Variants in TGFA observed in about 807,000 individuals in gnomAD.
TGFA encodes transforming growth factor alpha, also known as protransforming growth factor alpha.
A neutral mutation model predicts 21.7 loss-of-function variants in TGFA; 12 were observed. That is an observed-to-expected ratio of 0.55 (90% confidence interval 0.35 to 0.90). TGFA has a LOEUF of 0.90. Ranked by LOEUF, TGFA falls within the 40% of genes least tolerant of loss-of-function variation. TGFA has a pLI of 0.01. For missense variants in TGFA, 178 were observed against 210.8 expected (o/e 0.84, Z 0.96); for synonymous variants, 79 against 88.1 (o/e 0.90, Z 0.58).
chr2:70,536,963 T>G (rs782175154), intron 1 of TGFA, among the ~76,000 whole-genome samples: 6 of 151,582 alleles, frequency 4.0e-5, no homozygotes, highest in Non-Finnish European at 8.8e-5. Flanking sequence ...GATACTGTGG[T>G]TTTTTGTTTT....
chr2:70,454,957 A>G (rs781990205), intron 4 of TGFA, among the ~76,000 whole-genome samples: 2 of 152,164 alleles, frequency 1.3e-5, no homozygotes, highest in Non-Finnish European at 2.9e-5. Flanking sequence ...ACACAGGACA[A>G]TGGAAGGATG....
chr2:70,504,459 T>TAC (rs1671847467), intron 2 of TGFA, among the ~76,000 whole-genome samples: 1 of 74,352 alleles, frequency 1.3e-5, no homozygotes, highest in Admixed American at 1.2e-4. Context: ...TATATATATA[T>TAC]ATATACACAC....
At chr2:70,547,499 T>A (rs1553506088) in intron 1 of TGFA, among the ~76,000 whole-genome samples, 2 of 148,318 alleles carry the variant, frequency 1.3e-5, no homozygotes, top group African/African-American at 5.0e-5. Context: ...GCCTAGATCG[T>A]GCCACTGCAC....
At chr2:70,490,410 T>A (rs1377957246) in intron 2 of TGFA, among the ~76,000 whole-genome samples, 4 of 152,220 alleles carry the variant, frequency 2.6e-5, no homozygotes, top group Non-Finnish European at 5.9e-5. Flanking sequence ...AATGGGAACA[T>A]TTTTGTGCTT....
chr2:70,471,109 A>G (rs1442987365), intron 2 of TGFA, among the ~76,000 whole-genome samples: 4 of 107,230 alleles, frequency 3.7e-5, no homozygotes, highest in Admixed American at 2.0e-4. Flanking sequence ...TCCTCCCCGC[A>G]CCCCCCCCAC....
At chr2:70,527,266 C>A (rs1672665349) in intron 1 of TGFA, among the ~76,000 whole-genome samples, 1 of 152,116 alleles carries the variant, frequency 6.6e-6, no homozygotes, top group Non-Finnish European at 1.5e-5. Context: ...TATTATACAG[C>A]AATGAAAATA....
chr2:70,456,665 G>T (rs531592938), intron 3 of TGFA, among the ~76,000 whole-genome samples, 177 bp from the exon 4 acceptor site: 1 of 152,348 alleles, frequency 6.6e-6, no homozygotes, highest in East Asian at 1.9e-4. Context: ...CCTGTCGCAG[G>T]CACCGCTGCT....
intron 2 of TGFA, among the ~76,000 whole-genome samples, chr2:70,480,683 A>G (rs1376256252): frequency 6.6e-6 from 1 of 152,120 alleles, no homozygotes; most frequent in Non-Finnish European, 1.5e-5. Flanking sequence ...AAATGAGTGC[A>G]TTCTCAGTTC....
chr2:70,493,858 C>G (rs556909377), intron 2 of TGFA, among the ~76,000 whole-genome samples: 1 of 152,132 alleles, frequency 6.6e-6, no homozygotes, highest in South Asian at 2.1e-4. Context: ...AGGACCAACT[C>G]GTGTATACGC....
At chr2:70,499,978 T>C (rs1553498890) in intron 2 of TGFA, among the ~76,000 whole-genome samples, 1 of 152,248 alleles carries the variant, frequency 6.6e-6, no homozygotes, top group Non-Finnish European at 1.5e-5. Context: ...TTGATTTGAA[T>C]AATGTATTTA....
intron 1 of TGFA, among the ~76,000 whole-genome samples, chr2:70,545,520 T>A (rs1673275897): frequency 6.6e-6 from 1 of 152,180 alleles, no homozygotes; most frequent in South Asian, 2.1e-4. Flanking sequence ...GATTATTCCA[T>A]AAATAGCATT....
intron 1 of TGFA, among the ~76,000 whole-genome samples, chr2:70,550,049 G>A (rs780640059): frequency 6.6e-6 from 1 of 152,148 alleles, no homozygotes; most frequent in Non-Finnish European, 1.5e-5. Flanking sequence ...GAAAAGAAAC[G>A]TCTTCTTTCA....
At chr2:70,515,071 A>C (rs1236246917) in intron 1 of TGFA, among the ~76,000 whole-genome samples, 159 bp from the exon 2 acceptor site, 1 of 152,176 alleles carries the variant, frequency 6.6e-6, no homozygotes, top group Admixed American at 6.5e-5. Context: ...TATCAGTGCA[A>C]AATGAGCACA....
chr2:70,498,928 G>A (rs1574105885), intron 2 of TGFA, among the ~76,000 whole-genome samples: 2 of 152,192 alleles, frequency 1.3e-5, no homozygotes, highest in Admixed American at 1.3e-4. Context: ...GAATCTCTGG[G>A]GGAGGTTTTA....
chr2:70,510,502 G>A (rs1394239953), intron 2 of TGFA, among the ~76,000 whole-genome samples: 2 of 152,046 alleles, frequency 1.3e-5, no homozygotes, highest in South Asian at 2.1e-4. Flanking sequence ...AATAGATGAG[G>A]AAACAAATCC....
At position 70,471,115 on chromosome 2, in the gene TGFA, C is replaced by G. The variant is rs548339997; in HGVS notation, c.95-5379G>C. On this transcript the variant is annotated intron_variant, in intron 2 of 5. Coordinates refer to ENST00000295400, the MANE Select transcript of TGFA (RefSeq NM_003236.4). ...CGTGCATTCTCCTCCCCGCACCCCCCCCACCATATAACCAAACTTCTTAAA... is the reference window on the plus strand; with the variant it reads ...CGTGCATTCTCCTCCCCGCACCCCCGCCACCATATAACCAAACTTCTTAAA... Among the ~76,000 whole-genome samples, 178 of 141,556 alleles carry G rather than the reference C, an allele frequency of 1.3e-3. 1 individual carries two copies. Among genetic ancestry groups the G allele is most frequent in the African/African-American group, 4.8e-3 (170 of 35,504 alleles). The allele number at this position is 141,556 out of a possible 152,430, so 92.9% of individuals were successfully genotyped here. A position where few individuals can be genotyped will look rare whatever the true frequency, so the allele number is the denominator to read the frequency against.
At chr2:70,520,254 T>A (rs1672406232) in intron 1 of TGFA, among the ~76,000 whole-genome samples, 1 of 152,174 alleles carries the variant, frequency 6.6e-6, no homozygotes, top group African/African-American at 2.4e-5. Flanking sequence ...GTCGCCCAGC[T>A]GCAGGCTACT....
intron 2 of TGFA, among the ~76,000 whole-genome samples, chr2:70,498,157 G>A (rs1279623533): frequency 1.3e-5 from 2 of 152,226 alleles, no homozygotes; most frequent in Admixed American, 6.5e-5. Context: ...TGAAAGAGCT[G>A]GAGCAGCTCA....
chr2:70,526,235 C>T (rs529799780), intron 1 of TGFA, among the ~76,000 whole-genome samples: 1 of 152,264 alleles, frequency 6.6e-6, no homozygotes, highest in East Asian at 1.9e-4. Context: ...TGTATTAACC[C>T]AAAGCATTCA....
Sources: allele counts gnomAD v4.1 joint callset (sites outside exome capture counted in the v4.1 genomes callset), GRCh38; gene constraint gnomAD v4.1.1; transcripts MANE v1.5; gene names NCBI Gene and HGNC (gene_info 2026-07-23, HGNC 2026-07-21).